The following RNF130 variants were observed in gnomAD, a reference collection of about 807,000 sequenced individuals.
RNF130 encodes E3 ubiquitin-protein ligase RNF130.
Under a neutral mutation model 44.6 loss-of-function variants are expected in RNF130, and 21 were observed. That is an observed-to-expected ratio of 0.47 (90% CI 0.33 to 0.68). The LOEUF is 0.68. Among genes scored for constraint, RNF130 ranks in the 30% least tolerant of loss-of-function variants. The probability of loss-of-function intolerance (pLI) is 0.02; values close to 1 mark genes in which losing one functional copy is unlikely to be tolerated. For missense variants in RNF130, 479 were observed against 560.6 expected (o/e 0.85, Z 1.47); for synonymous variants, 214 against 210.4 (o/e 1.02, Z -0.15).
intron 8 of RNF130, among the ~76,000 whole-genome samples, chr5:179,958,031 C>T (rs1223117538): frequency 2.6e-5 from 4 of 152,078 alleles, no homozygotes; most frequent in African/African-American, 9.6e-5. Context: ...GCGCCCGCCA[C>T]TACGCCCGGC....
intron 1 of RNF130, among the ~76,000 whole-genome samples, chr5:180,043,585 T>C (rs1005207264): frequency 2.6e-5 from 4 of 152,012 alleles, no homozygotes; most frequent in Non-Finnish European, 5.9e-5. Context: ...AAGACAGCAG[T>C]TCAGTAATAT....
chr5:179,973,227 T>A lies in RNF130; in HGVS notation c.849-2721A>T, dbSNP rs562653055. 1.4e-3 allele frequency among the ~76,000 whole-genome samples: 219 copies of A among 152,236 alleles called. 1 individual carries two copies. Among genetic ancestry groups the A allele is most frequent in the African/African-American group, 5.2e-3 (214 of 41,524 alleles). ...TTCAGTCTCAAATTCCCATGGCACATCCCTCGCTTCCACAAAGCTGGGTGG... is the reference window on the plus strand; with the variant it reads ...TTCAGTCTCAAATTCCCATGGCACAACCCTCGCTTCCACAAAGCTGGGTGG... On this transcript the variant is annotated intron_variant, in intron 5 of 8. Coordinates refer to ENST00000521389, the MANE Select transcript of RNF130 (RefSeq NM_018434.6).
chr5:180,044,839 A>T (rs966105658), intron 1 of RNF130, among the ~76,000 whole-genome samples: 19 of 152,072 alleles, frequency 1.2e-4, no homozygotes, highest in Admixed American at 6.6e-4. Flanking sequence ...CTCAAAAAAA[A>T]AAAATAAAAG....
At chr5:179,958,045 T>C (rs1467677076) in intron 8 of RNF130, among the ~76,000 whole-genome samples, 1 of 151,908 alleles carries the variant, frequency 6.6e-6, no homozygotes, top group Non-Finnish European at 1.5e-5. Context: ...GCCCGGCTAA[T>C]TTTTTGTATT....
chr5:179,936,784 T>G (rs464219), intron 7 of RNF130, among the ~76,000 whole-genome samples: 60,765 of 151,954 alleles, frequency 0.4, 13,025 homozygotes, highest in East Asian at 0.64. Context: ...TACAGATTAA[T>G]GGAATAAAAT....
chr5:179,963,358 G>A, intron 8 of RNF130, 113 bp downstream of exon 8: 2 of 744,554 alleles, frequency 2.7e-6, no homozygotes, highest in Non-Finnish European at 2.4e-6. Context: ...GATCCCATCA[G>A]GATCCGTATG....
chr5:179,965,126 G>C (rs1256950539), intron 7 of RNF130, among the ~76,000 whole-genome samples: 2 of 152,094 alleles, frequency 1.3e-5, no homozygotes, highest in Non-Finnish European at 2.9e-5. Flanking sequence ...TCCCGTATTT[G>C]CATGTCTTTG....
intron 2 of RNF130, among the ~76,000 whole-genome samples, chr5:180,033,026 T>C (rs1293890784): frequency 1.3e-5 from 2 of 152,198 alleles, no homozygotes; most frequent in East Asian, 3.9e-4. Flanking sequence ...CCGGCGAGAA[T>C]GCAGCAGCAC....
At chr5:180,010,069 A>ATGCATGGTCACG (rs1470249934) in intron 3 of RNF130, among the ~76,000 whole-genome samples, 1 of 151,926 alleles carries the variant, frequency 6.6e-6, no homozygotes, top group African/African-American at 2.4e-5. Context: ...AACACGGTGA[A>ATGCATGGTCACG]ACCCCATCTC....
rs192998103 is a variant in RNF130 at position 179,975,224 on chromosome 5, G to T, written c.848+2979C>A. 3.8e-3 allele frequency among the ~76,000 whole-genome samples: 572 copies of T among 152,398 alleles called. 4 individuals carry two copies. The highest frequency in any genetic ancestry group is 0.013 in the African/African-American group (536 of 41,604). On this transcript the variant is annotated intron_variant, in intron 5 of 8. Coordinates refer to ENST00000521389, the MANE Select transcript of RNF130 (RefSeq NM_018434.6). ...TCCCAAGGCAGAAGGAATTCTGTAA[G>T]CGGCAGTTTGGTGAGCGCGAAGGCG...
chr5:179,986,889 TTATG>T (rs1428254859), intron 3 of RNF130, among the ~76,000 whole-genome samples: 1 of 152,034 alleles, frequency 6.6e-6, no homozygotes, highest in Non-Finnish European at 1.5e-5. Context: ...TTTATTATTC[TTATG>T]TATTTTATTT....
rs144700932 is a variant in RNF130 at position 179,942,381 on chromosome 5, A to G, written c.1151-21955T>C. 8.0e-3 allele frequency among the ~76,000 whole-genome samples: 1,212 copies of G among 152,154 alleles called. 19 individuals are homozygous for G. Among genetic ancestry groups the G allele is most frequent in the African/African-American group, 0.028 (1,152 of 41,530 alleles). On this transcript the variant is annotated intron_variant, in intron 7 of 7. Coordinates refer to the RNF130 transcript ENST00000522208. Reference sequence around the variant, plus strand: ...GACTGAGGCAGACAGATCTGTATGCACTGATGTGGAAAAATCTCCAAATTT... The same window carrying G: ...GACTGAGGCAGACAGATCTGTATGCGCTGATGTGGAAAAATCTCCAAATTT...
chr5:179,982,019 T>C (rs1561679769), intron 3 of RNF130, among the ~76,000 whole-genome samples: 1 of 152,184 alleles, frequency 6.6e-6, no homozygotes, highest in Non-Finnish European at 1.5e-5. Flanking sequence ...ACAGTGTATC[T>C]ACCACATCCC....
intron 6 of RNF130, among the ~76,000 whole-genome samples, chr5:179,968,247 A>G (rs975451340): frequency 1.3e-5 from 2 of 152,126 alleles, no homozygotes; most frequent in South Asian, 4.1e-4. Flanking sequence ...GTGAGCCGAG[A>G]TCGCACCACT....
chr5:179,997,041 G>T (rs901115897), intron 3 of RNF130, among the ~76,000 whole-genome samples: 1 of 152,154 alleles, frequency 6.6e-6, no homozygotes, highest in African/African-American at 2.4e-5. Flanking sequence ...TTGAATCTAT[G>T]TTGGTATATG....
At chr5:179,944,057 C>T (rs185157405) in intron 7 of RNF130, among the ~76,000 whole-genome samples, 221 of 151,854 alleles carry the variant, frequency 1.5e-3, no homozygotes, top group African/African-American at 5.2e-3. Flanking sequence ...CTGCAACCTC[C>T]GCCTCCTGGG....
chr5:179,976,413 C>T (rs1309923194), intron 5 of RNF130, among the ~76,000 whole-genome samples: 1 of 152,190 alleles, frequency 6.6e-6, no homozygotes, highest in Non-Finnish European at 1.5e-5. Context: ...TTGGCTTCTC[C>T]TGGTCATTCC....
chr5:180,040,769 C>A, intron 1 of RNF130, 122 bp from the exon 2 acceptor site: 3 of 812,580 alleles, frequency 3.7e-6, no homozygotes, highest in Non-Finnish European at 5.7e-6. Context: ...TCGCTGCCAG[C>A]AGAGCTATGA....
At chr5:180,058,456 A>G (rs1389565207) in intron 1 of RNF130, among the ~76,000 whole-genome samples, 2 of 152,250 alleles carry the variant, frequency 1.3e-5, no homozygotes, top group African/African-American at 4.8e-5. Flanking sequence ...ACAAATTATG[A>G]GGAACTAACC....
Sources: gnomAD v4.1 joint callset for allele counts (sites outside exome capture counted in the v4.1 genomes callset) on GRCh38, gnomAD v4.1.1 for gene constraint, MANE v1.5 for transcripts, NCBI Gene and HGNC (gene_info 2026-07-23, HGNC 2026-07-21) for gene names.